Variants in ABCF1 observed in about 807,000 individuals in gnomAD.
ABCF1 encodes the protein ATP binding cassette subfamily F member 1, also known as ATP-binding cassette sub-family F member 1.
A neutral mutation model predicts 126.3 loss-of-function variants in ABCF1; 73 were observed. That is an observed-to-expected ratio of 0.58 (90% CI 0.48 to 0.70). The LOEUF is 0.70. Ranked by LOEUF, ABCF1 falls within the 30% of genes least tolerant of loss-of-function variation. The pLI, the probability that ABCF1 is intolerant of heterozygous loss-of-function variation, is 0.00. For synonymous variants in ABCF1, 345 were observed against 396.4 expected, an observed-to-expected ratio of 0.87 and a Z score of 1.54; for missense variants, 786 against 1,057.5, an observed-to-expected ratio of 0.74 and a Z score of 3.56.
intron 2 of ABCF1, 66 bp downstream of exon 2, chr6:30,577,521 G>C: frequency 1.3e-6 from 2 of 1,570,470 alleles, no homozygotes; most frequent in South Asian, 2.3e-5. Flanking sequence ...AAATAGCCAT[G>C]TGAAGGAGGT....
rs781076284 is a variant in ABCF1 at position 30,577,929 on chromosome 6, G to A, written c.216+16G>A. 1 of 1,613,688 alleles carries A rather than the reference G, an allele frequency of 6.2e-7. No individual in the cohort carries two copies. The highest frequency in any genetic ancestry group is 1.7e-5 in the Admixed American group (1 of 59,992). On this transcript the variant is annotated intron_variant, in intron 3 of 24. Coordinates refer to ENST00000326195, the MANE Select transcript of ABCF1 (RefSeq NM_001025091.2). ...GCAACAGCAGGTACAAGTGCCACAGGGCCCACCAATCCTGGGAGGCATCTG... is the reference window on the plus strand; with the variant it reads ...GCAACAGCAGGTACAAGTGCCACAGAGCCCACCAATCCTGGGAGGCATCTG...
Position 30,589,813 on chromosome 6 carries a change from G to A in ABCF1, c.2072G>A (p.Gly691Asp), listed in dbSNP as rs1417844189. ...EMRKNHRLKI[G>D]FFNQQYAEQL... is the part of the protein sequence containing the mutation. ...CCCTCTCTTCTCGGGCAGAAAATTG[G>A]CTTCTTCAACCAGCAGTATGCAGAG... Residue 691 changes from glycine (G) to aspartate (D), a missense_variant, in exon 22 of 25, where the codon GGC (glycine) becomes GAC (aspartate). This residue lies in a region of ABCF1 where 288 missense variants were observed against 423.5 expected (regional missense o/e 0.68). Transcript: ENST00000326195. 1 of 1,614,010 alleles carries A rather than the reference G, an allele frequency of 6.2e-7. No homozygotes were observed. Among genetic ancestry groups the A allele is most frequent in the African/African-American group, 1.3e-5 (1 of 74,906 alleles).
Position 30,586,112 on chromosome 6 carries a change from C to G in ABCF1, c.1714-22C>G. On this transcript the variant is annotated intron_variant, in intron 17 of 24. Coordinates refer to ENST00000326195, the MANE Select transcript of ABCF1 (RefSeq NM_001025091.2). This position sits in a 1 kb window ranked among gnomAD's most constrained non-coding sequence, Gnocchi z 4.9. ...ACTGCCGCGCAGGGCTCAGGTTTCT[C>G]TTTTTTCCTCTTCCTCTCCAGGAAA... 1 of 1,607,640 alleles carries G rather than the reference C, an allele frequency of 6.2e-7. No individual in the cohort carries two copies. Among genetic ancestry groups the G allele is most frequent in the Non-Finnish European group, 8.5e-7 (1 of 1,177,766 alleles).
chr6:30,576,375 C>T (rs1476983308), intron 1 of ABCF1, among the ~76,000 whole-genome samples: 7 of 149,268 alleles, frequency 4.7e-5, no homozygotes, highest in Admixed American at 2.7e-4. Flanking sequence ...GCAACCTCCG[C>T]CTCCTGGGTT....
intron 1 of ABCF1, among the ~76,000 whole-genome samples, chr6:30,573,140 C>A (rs1801338214): frequency 6.6e-6 from 1 of 152,154 alleles, no homozygotes; most frequent in Non-Finnish European, 1.5e-5. Flanking sequence ...GGGCTCTGGC[C>A]ATGATCTAGG....
chr6:30,580,861 A>G (rs1404488701), intron 8 of ABCF1, among the ~76,000 whole-genome samples: 1 of 151,860 alleles, frequency 6.6e-6, no homozygotes, highest in African/African-American at 2.4e-5. Flanking sequence ...TTTAGTATAG[A>G]GATGAGGTCT....
rs1481976822 is a variant in ABCF1, at chr6:30,586,609, A to T, written c.1961-32A>T. ...GGAGCCACAGGGAGAGTCTCTGGGG[A>T]CCTCTTTGACCACCTGTCTTCCATC... is the stretch of plus-strand genomic sequence containing the variant. On this transcript the variant is annotated intron_variant, in intron 19 of 24. Coordinates refer to ENST00000326195, the MANE Select transcript of ABCF1 (RefSeq NM_001025091.2). This position sits in a 1 kb window ranked among gnomAD's most constrained non-coding sequence, Gnocchi z 4.9. 6.2e-7 allele frequency: 1 copy of T among 1,613,002 alleles called. No individual in the cohort carries two copies. The highest frequency in any genetic ancestry group is 1.7e-5 in the Admixed American group (1 of 59,978).
Position 30,571,452 on chromosome 6 carries a change from C to G in ABCF1, c.-36C>G. The G allele has an allele frequency of 6.3e-7, 1 of 1,589,334 alleles. No individual in the cohort carries two copies. The highest frequency in any genetic ancestry group is 8.6e-7 in the Non-Finnish European group (1 of 1,168,122). ...CCCGCCGCCGGAAGCGGAAATAGCA[C>G]CGGGCGCCGCCACAGTAGCTGTAAC... On this transcript the variant is annotated 5_prime_UTR_variant, in exon 1 of 25. Coordinates refer to ENST00000326195, the MANE Select transcript of ABCF1 (RefSeq NM_001025091.2).
chr6:30,577,992 T>G (rs376748875), intron 3 of ABCF1, 79 bp downstream of exon 3: 1 of 1,613,254 alleles, frequency 6.2e-7, no homozygotes, highest in Non-Finnish European at 8.5e-7. Context: ...GTTGCTCCAT[T>G]CAGCTGATGG....
chr6:30,577,510 T>C (rs372140977), intron 2 of ABCF1, 55 bp downstream of exon 2: 97 of 1,589,576 alleles, frequency 6.1e-5, no homozygotes, highest in Non-Finnish European at 6.3e-5. Context: ...CCAAGCTAAA[T>C]AAATAGCCAT....
Position 30,586,985 on chromosome 6 carries a change from C to T in ABCF1, c.2031+274C>T, listed in dbSNP as rs921229488. The stretch of plus-strand genomic sequence containing the variant: ...TCTTTTATAGAACGATTAAAAATTG[C>T]ATAAACGGGCCAGGCACAGTAGCTC... On this transcript the variant is annotated intron_variant, in intron 20 of 24. Transcript: ENST00000326195. The surrounding 1 kb of genome is among the most constrained non-coding windows in gnomAD (Gnocchi z 4.9). 6.6e-6 allele frequency among the ~76,000 whole-genome samples: 1 copy of T among 152,124 alleles called. No individual in the cohort carries two copies. The highest frequency in any genetic ancestry group is 2.1e-4 in the South Asian group (1 of 4,824).
chr6:30,588,223 T>C (rs1362634047), intron 20 of ABCF1, among the ~76,000 whole-genome samples: 2 of 152,300 alleles, frequency 1.3e-5, no homozygotes, highest in African/African-American at 4.8e-5. Flanking sequence ...ATTAATGTTT[T>C]AGTGGATATC....
chr6:30,588,053 C>T (rs1038554918), intron 20 of ABCF1, among the ~76,000 whole-genome samples: 1 of 152,030 alleles, frequency 6.6e-6, no homozygotes, highest in Non-Finnish European at 1.5e-5. Context: ...TAGGTACGCC[C>T]CACCATGCCC....
chr6:30,578,718 C>A, intron 6 of ABCF1, 141 bp downstream of exon 6: 1 of 844,538 alleles, frequency 1.2e-6, no homozygotes, highest in Non-Finnish European at 1.9e-6. Context: ...AATACATGCC[C>A]AGGCTGGGCA....
intron 3 of ABCF1, 66 bp from the exon 4 acceptor site, chr6:30,578,010 T>TCAG: frequency 6.2e-7 from 1 of 1,613,700 alleles, no homozygotes; most frequent in Non-Finnish European, 8.5e-7. Context: ...TGGGGAACCC[T>TCAG]CTGTGAGGCA....
Position 30,590,854 on chromosome 6 carries a change from A to T in ABCF1, c.*153A>T, listed in dbSNP as rs563501317. 2.9e-5 allele frequency: 21 copies of T among 736,730 alleles called. No individual in the cohort carries two copies. The highest frequency in any genetic ancestry group is 4.5e-5 in the Non-Finnish European group (21 of 468,500). 45.6% of individuals were successfully genotyped at this position (736,730 alleles called of 1,614,324 possible). A position where few individuals can be genotyped will look rare whatever the true frequency, so the allele number is the denominator to read the frequency against. On this transcript the variant is annotated 3_prime_UTR_variant, in exon 25 of 25. Coordinates refer to ENST00000326195, the MANE Select transcript of ABCF1 (RefSeq NM_001025091.2). ...GGAGTGTGACCTTGATGTGACCGGG[A>T]TCCCACTCTGATTGCATCCATTTCT...
rs1323542994 is a variant in ABCF1, at chr6:30,585,292, T to A, written c.1424T>A (p.Leu475Gln). 1 of 1,613,542 alleles carries A rather than the reference T, an allele frequency of 6.2e-7. No individual in the cohort carries two copies. The highest frequency in any genetic ancestry group is 8.5e-7 in the Non-Finnish European group (1 of 1,180,024). ...ALFMEPTLLMLDEPTNHLDLN... is the reference protein window; with the variant it reads ...ALFMEPTLLMQDEPTNHLDLN... ...TTCATGGAGCCCACACTGCTGATGC[T>A]GGATGAGCCCACCAACCACCTGGAC... The change falls in exon 15 of 25, where the codon CTG (leucine) becomes CAG (glutamine). Residue 475 changes from leucine (L) to glutamine (Q), a missense_variant. Around this residue, in one of 4 missense-constraint regions of ABCF1, gnomAD observed 13 missense variants for 55.8 expected, o/e 0.23. Transcript: ENST00000326195.
rs113473909 is a variant in ABCF1 at position 30,578,102 on chromosome 6, A to G, written c.243A>G (p.Lys81=). 9.6e-3 allele frequency: 15,468 copies of G among 1,614,072 alleles called. 165 individuals carry two copies. Among genetic ancestry groups the G allele is most frequent in the South Asian group, 0.033 (2,991 of 91,074 alleles). Residue 81 remains lysine (K), a synonymous_variant, in exon 4 of 25, where the codon AAA becomes AAG. Coordinates refer to ENST00000326195, the MANE Select transcript of ABCF1 (RefSeq NM_001025091.2). Reference sequence around the variant, plus strand: ...AAAAAAAAAAGCGAGATACCCGAAAAGGCAGGCGGAAGAAGGATGTGGATG... The same window carrying G: ...AAAAAAAAAAGCGAGATACCCGAAAGGGCAGGCGGAAGAAGGATGTGGATG... ...QQQKKKRDTR[K]GRRKKDVDDD...
chr6:30,582,387 C>G lies in ABCF1; in HGVS notation c.679-7C>G, dbSNP rs1489151481. 12 of 1,580,214 alleles carry G rather than the reference C, an allele frequency of 7.6e-6. No individual in the cohort carries two copies. The highest frequency in any genetic ancestry group is 9.5e-6 in the Non-Finnish European group (11 of 1,153,204). ...CCCTAGTTTTGACCATCCCCGGGTT[C>G]TCACAGGGTTCAGAGGAAGAAGGAG... is the stretch of plus-strand genomic sequence containing the variant. On this transcript the variant is annotated splice_polypyrimidine_tract_variant and splice_region_variant and intron_variant, in intron 8 of 24. Transcript: ENST00000326195.
Sources: gnomAD v4.1 joint callset for allele counts (sites outside exome capture counted in the v4.1 genomes callset) on GRCh38, gnomAD v4.1.1 for gene constraint, gnomAD v4.1.1 regional missense constraint, Gnocchi (gnomAD v3.1) non-coding constraint, MANE v1.5 for transcripts, NCBI Gene and HGNC (gene_info 2026-07-23, HGNC 2026-07-21) for gene names.